The following GALNT18 variants were observed in gnomAD, a reference collection of about 807,000 sequenced individuals.
GALNT18 encodes the protein polypeptide N-acetylgalactosaminyltransferase 18, also known as GalNAc-transferase 18.
GALNT18 carries 44 observed loss-of-function variants against 69.5 expected under a neutral mutation model. That is an observed-to-expected ratio of 0.63 (90% CI 0.50 to 0.81). The LOEUF is 0.81. GALNT18 is among the 40% of genes least tolerant of loss of function. The pLI, the probability that GALNT18 is intolerant of heterozygous loss-of-function variation, is 0.00. For synonymous variants in GALNT18, 364 were observed against 318.2 expected (o/e 1.14, Z -1.53); for missense variants, 715 against 810.0 (o/e 0.88, Z 1.42).
chr11:11,437,581 G>A (rs1036341225), intron 2 of GALNT18, among the ~76,000 whole-genome samples: 1 of 152,122 alleles, frequency 6.6e-6, no homozygotes, highest in Non-Finnish European at 1.5e-5. Flanking sequence ...GGAGGAATAA[G>A]TGAGGTAAAG....
At position 11,276,687 on chromosome 11, in the gene GALNT18, C is replaced by T. The variant is rs189557207; in HGVS notation, c.1678-5397G>A. 8.5e-5 allele frequency among the ~76,000 whole-genome samples: 13 copies of T among 152,202 alleles called. No individual in the cohort carries two copies. The East Asian group carries it at 1.2e-3, about 14-fold the overall frequency. On this transcript the variant is annotated intron_variant, in intron 10 of 10. Transcript: ENST00000227756. Reference sequence around the variant, plus strand: ...CTTATTATTTTGAGATATGTTCCATCGATACCTAGTTTATTGAGAGTGTTT... The same window carrying T: ...CTTATTATTTTGAGATATGTTCCATTGATACCTAGTTTATTGAGAGTGTTT...
chr11:11,564,226 C>G lies in GALNT18; in HGVS notation c.235+57133G>C, dbSNP rs527420317. 1.1e-4 allele frequency among the ~76,000 whole-genome samples: 17 copies of G among 152,344 alleles called. No homozygotes were observed. In the East Asian group the frequency reaches 3.1e-3, roughly 28 times the overall value. ...ACTGCAAGTCCCGGGTCCATAACCA[C>G]TGTGCTATACTGCCTTCACCTGAAG... On this transcript the variant is annotated intron_variant, in intron 1 of 10. Coordinates refer to ENST00000227756, the MANE Select transcript of GALNT18 (RefSeq NM_198516.3). This position sits in a 1 kb window ranked among gnomAD's most constrained non-coding sequence, Gnocchi z 4.3.
At chr11:11,324,716 G>T (rs1425324979) in intron 9 of GALNT18, among the ~76,000 whole-genome samples, 1 of 151,374 alleles carries the variant, frequency 6.6e-6, no homozygotes, top group African/African-American at 2.4e-5. Context: ...TTTGAGAATT[G>T]TCTATTCATG....
At chr11:11,335,772 G>A (rs1276569249) in intron 7 of GALNT18, among the ~76,000 whole-genome samples, 1 of 152,186 alleles carries the variant, frequency 6.6e-6, no homozygotes, top group Non-Finnish European at 1.5e-5. Context: ...AAGGCCATGT[G>A]AAGACAGAGG....
intron 6 of GALNT18, among the ~76,000 whole-genome samples, chr11:11,359,760 C>T (rs1014303293): frequency 1.3e-5 from 2 of 152,144 alleles, no homozygotes; most frequent in Non-Finnish European, 2.9e-5. Flanking sequence ...AACCTTTATC[C>T]ATCAGTGATT....
chr11:11,581,717 T>C (rs1859092560), intron 1 of GALNT18, among the ~76,000 whole-genome samples: 1 of 152,074 alleles, frequency 6.6e-6, no homozygotes, highest in Admixed American at 6.5e-5. Context: ...CGAAGAGAAA[T>C]TCTCCATCCA....
chr11:11,334,754 C>A (rs888672991), intron 7 of GALNT18, among the ~76,000 whole-genome samples: 6 of 152,160 alleles, frequency 3.9e-5, no homozygotes, highest in Admixed American at 3.9e-4. Flanking sequence ...GCCTTCTCTG[C>A]AACTGTTATC....
intron 10 of GALNT18, among the ~76,000 whole-genome samples, chr11:11,275,726 G>T (rs996424443): frequency 6.6e-6 from 1 of 152,144 alleles, no homozygotes; most frequent in African/African-American, 2.4e-5. Context: ...GTAAGGAAGG[G>T]GTCCAGCTTC....
intron 6 of GALNT18, among the ~76,000 whole-genome samples, chr11:11,360,637 T>C (rs1312921531): frequency 6.6e-6 from 1 of 152,178 alleles, no homozygotes; most frequent in Non-Finnish European, 1.5e-5. Context: ...ATTTTATAAT[T>C]ATGGCCTCCA....
At position 11,339,911 on chromosome 11, in the gene GALNT18, G is replaced by A. The variant is rs12223458; in HGVS notation, c.1278+908C>T. 0.14 allele frequency among the ~76,000 whole-genome samples: 20,905 copies of A among 152,160 alleles called. 1,686 individuals are homozygous for A. Among genetic ancestry groups the A allele is most frequent in the Admixed American group, 0.26 (4,005 of 15,288 alleles). Reference sequence around the variant, plus strand: ...GGGCTTTCATATGATCACTTTGAGCGAAGATCAATCACTTCCCCATTAGAA... The same window carrying A: ...GGGCTTTCATATGATCACTTTGAGCAAAGATCAATCACTTCCCCATTAGAA... On this transcript the variant is annotated intron_variant, in intron 7 of 10. Transcript: ENST00000227756. This position sits in a 1 kb window ranked among gnomAD's most constrained non-coding sequence, Gnocchi z 5.2.
At chr11:11,576,410 G>T (rs1361267372) in intron 1 of GALNT18, among the ~76,000 whole-genome samples, 1 of 152,220 alleles carries the variant, frequency 6.6e-6, no homozygotes, top group Non-Finnish European at 1.5e-5. Context: ...CAAGATGTGG[G>T]TTTAACCAGG....
At chr11:11,462,612 C>A (rs1405906200) in intron 1 of GALNT18, among the ~76,000 whole-genome samples, 1 of 152,062 alleles carries the variant, frequency 6.6e-6, no homozygotes, top group Non-Finnish European at 1.5e-5. Flanking sequence ...CTTTAGGCTG[C>A]CCTTTTCTCA....
At position 11,404,647 on chromosome 11, in the gene GALNT18, C is replaced by T. The variant is rs114561967; in HGVS notation, c.596-25383G>A. Among the ~76,000 whole-genome samples the T allele has an allele frequency of 0.011, 1,728 of 152,272 alleles. 38 individuals are homozygous for T. The highest frequency in any genetic ancestry group is 0.039 in the African/African-American group (1,625 of 41,546). On this transcript the variant is annotated intron_variant, in intron 3 of 10. Coordinates refer to ENST00000227756, the MANE Select transcript of GALNT18 (RefSeq NM_198516.3). The surrounding 1 kb of genome is among the most constrained non-coding windows in gnomAD (Gnocchi z 4.5). ...GGAATTCCTCTCAAGCTTTACTGCC[C>T]GCAGCCATATTCTCATTCAAATGGG...
At chr11:11,509,577 T>C (rs1181677886) in intron 1 of GALNT18, among the ~76,000 whole-genome samples, 1 of 152,190 alleles carries the variant, frequency 6.6e-6, no homozygotes, top group Non-Finnish European at 1.5e-5. Context: ...TACTGAACAA[T>C]GGAGAGAAAG....
At position 11,600,935 on chromosome 11, in the gene GALNT18, A is replaced by AT. The variant is rs1309679940; in HGVS notation, c.235+20423dup. 6.6e-6 allele frequency among the ~76,000 whole-genome samples: 1 copy of AT among 151,496 alleles called. No individual in the cohort carries two copies. On this transcript the variant is annotated intron_variant, in intron 1 of 10. Transcript: ENST00000227756. The surrounding 1 kb of genome is among the most constrained non-coding windows in gnomAD (Gnocchi z 4.8). ...AAATATATTTTTAAGTGCCCCAGTG[A>AT]TTTTTTCTTTTCATTTCTTAAACAT...
intron 10 of GALNT18, among the ~76,000 whole-genome samples, chr11:11,291,130 A>G (rs1849289063): frequency 6.6e-6 from 1 of 152,178 alleles, no homozygotes. Context: ...GAAATCTGGC[A>G]GAGGAAAGTG....
rs1316004299 is a variant in GALNT18, at chr11:11,587,922, A to T, written c.235+33437T>A. Among the ~76,000 whole-genome samples the T allele has an allele frequency of 2.6e-5, 4 of 152,218 alleles. No homozygotes were observed. The East Asian group carries it at 7.8e-4, about 30-fold the overall frequency. On this transcript the variant is annotated intron_variant, in intron 1 of 10. Coordinates refer to ENST00000227756, the MANE Select transcript of GALNT18 (RefSeq NM_198516.3). The surrounding 1 kb of genome is among the most constrained non-coding windows in gnomAD (Gnocchi z 4.4). Reference sequence around the variant, plus strand: ...AGAAAGGAAGCCTTTCTACTAATTCACTAAGAGTGGCATGTCTCTACCAAT... The same window carrying T: ...AGAAAGGAAGCCTTTCTACTAATTCTCTAAGAGTGGCATGTCTCTACCAAT...
intron 3 of GALNT18, among the ~76,000 whole-genome samples, chr11:11,403,744 C>G (rs1035559489): frequency 6.6e-6 from 1 of 152,224 alleles, no homozygotes; most frequent in African/African-American, 2.4e-5. Context: ...TCACCCTCAA[C>G]TGTGCTGTGA....
rs79849522 is a variant in GALNT18, at chr11:11,290,407, T to C, written c.1677+2622A>G. Reference sequence around the variant, plus strand: ...GCTTTCAAAATCCCAGACCTAAACATGACCTGGGGTTACATATCCTTATCT... The same window carrying C: ...GCTTTCAAAATCCCAGACCTAAACACGACCTGGGGTTACATATCCTTATCT... On this transcript the variant is annotated intron_variant, in intron 10 of 10. Transcript: ENST00000227756. 4.5e-3 allele frequency among the ~76,000 whole-genome samples: 684 copies of C among 152,238 alleles called. 11 individuals carry two copies. Among genetic ancestry groups the C allele is most frequent in the African/African-American group, 0.016 (650 of 41,518 alleles).
Sources: allele counts gnomAD v4.1 joint callset (sites outside exome capture counted in the v4.1 genomes callset), GRCh38; gene constraint gnomAD v4.1.1; non-coding constraint Gnocchi (gnomAD v3.1); transcripts MANE v1.5; gene names NCBI Gene and HGNC (gene_info 2026-07-23, HGNC 2026-07-21).